GRIN2B: variants seen among roughly 807,000 people sequenced by gnomAD.
The protein encoded by GRIN2B is glutamate ionotropic receptor NMDA type subunit 2B.
In GRIN2B, 5 loss-of-function variants were observed where a neutral mutation model predicts 114.5. The ratio of observed to expected loss-of-function variants is 0.04; its 90% confidence interval spans 0.02 to 0.09. The LOEUF (loss-of-function observed/expected upper bound fraction) is 0.09, where lower values mean the gene tolerates loss of function less well. Ranked by LOEUF, GRIN2B falls within the 10% of genes least tolerant of loss-of-function variation. The probability of loss-of-function intolerance (pLI) is 1.00; values close to 1 mark genes in which losing one functional copy is unlikely to be tolerated. For synonymous variants in GRIN2B, 787 were observed against 745.1 expected (o/e 1.06, Z -0.92); for missense variants, 1,108 against 1,943.5 (o/e 0.57, Z 8.08).
intron 5 of GRIN2B, among the ~76,000 whole-genome samples, chr12:13,658,077 T>C (rs1382857144): frequency 6.6e-6 from 1 of 151,980 alleles, no homozygotes; most frequent in African/African-American, 2.4e-5. Context: ...TGGTGGTACC[T>C]GCCTGTACTC....
chr12:13,646,324 G>A (rs1214145190), intron 5 of GRIN2B, among the ~76,000 whole-genome samples: 1 of 151,946 alleles, frequency 6.6e-6, no homozygotes, highest in African/African-American at 2.4e-5. Flanking sequence ...AAGAATACCT[G>A]CCTTAGTGTG....
At chr12:13,936,265 T>C (rs1054298551) in intron 2 of GRIN2B, among the ~76,000 whole-genome samples, 3 of 152,136 alleles carry the variant, frequency 2.0e-5, no homozygotes, top group African/African-American at 7.2e-5. Flanking sequence ...CTGGAGCTGA[T>C]TGGAGTTCCA....
intron 2 of GRIN2B, among the ~76,000 whole-genome samples, chr12:13,907,668 G>A (rs1591614835): frequency 1.3e-5 from 2 of 152,060 alleles, no homozygotes; most frequent in African/African-American, 4.8e-5. Flanking sequence ...TGATTTGTTG[G>A]AAATGTTTTA....
At chr12:13,938,694 C>G (rs888091853) in intron 2 of GRIN2B, among the ~76,000 whole-genome samples, 1 of 152,128 alleles carries the variant, frequency 6.6e-6, no homozygotes, top group Non-Finnish European at 1.5e-5. Context: ...TGTGGGGATA[C>G]AGATAAGAGT....
intron 5 of GRIN2B, among the ~76,000 whole-genome samples, chr12:13,647,170 C>T (rs922624100): frequency 6.6e-6 from 1 of 152,016 alleles, no homozygotes; most frequent in East Asian, 1.9e-4. Flanking sequence ...AGTCTTGACC[C>T]CCAGAAACTG....
chr12:13,978,498 T>A (rs900855284), intron 2 of GRIN2B, among the ~76,000 whole-genome samples: 1 of 152,222 alleles, frequency 6.6e-6, no homozygotes, highest in Non-Finnish European at 1.5e-5. Context: ...AGAACTATCA[T>A]CTACTGTCAT....
At chr12:13,796,589 T>C (rs1214946787) in intron 3 of GRIN2B, among the ~76,000 whole-genome samples, 1 of 152,168 alleles carries the variant, frequency 6.6e-6, no homozygotes, top group Non-Finnish European at 1.5e-5. Flanking sequence ...AACCATCTTA[T>C]AAAGGAAAAA....
chr12:13,575,670 C>CAATAAT lies in GRIN2B; in HGVS notation c.2011-3707_2011-3706insATTATT, dbSNP rs574433534. On this transcript the variant is annotated intron_variant, in intron 10 of 13. Coordinates refer to ENST00000609686, the MANE Select transcript of GRIN2B (RefSeq NM_000834.5). ...CAAGACCCTGTCTCCAAAATGATAA[C>CAATAAT]AACAATAATAATAATAATAATAATA... 1.3e-3 allele frequency among the ~76,000 whole-genome samples: 164 copies of CAATAAT among 129,854 alleles called. 3 individuals are homozygous for CAATAAT. The highest frequency in any genetic ancestry group is 0.012 in the East Asian group (58 of 4,868). 85.2% of individuals were successfully genotyped at this position (129,854 alleles called of 152,430 possible).
intron 13 of GRIN2B, among the ~76,000 whole-genome samples, 163 bp downstream of exon 13, chr12:13,566,862 T>G (rs555071260): frequency 1.1e-4 from 16 of 152,326 alleles, no homozygotes; most frequent in African/African-American, 3.8e-4. Context: ...TCTGAGCCAC[T>G]TGCAATCATA....
chr12:13,654,439 A>T (rs532349983), intron 5 of GRIN2B, among the ~76,000 whole-genome samples: 1 of 152,138 alleles, frequency 6.6e-6, no homozygotes, highest in Non-Finnish European at 1.5e-5. Flanking sequence ...CCAAAGTGAA[A>T]ATCTTGACAG....
intron 2 of GRIN2B, among the ~76,000 whole-genome samples, chr12:13,893,119 T>C (rs979838287): frequency 6.6e-6 from 1 of 152,194 alleles, no homozygotes; most frequent in Non-Finnish European, 1.5e-5. Flanking sequence ...TGGCCCATTA[T>C]CTAAGTAAAT....
intron 3 of GRIN2B, among the ~76,000 whole-genome samples, chr12:13,782,074 CAG>C (rs1565535118): frequency 6.6e-6 from 1 of 152,130 alleles, no homozygotes; most frequent in African/African-American, 2.4e-5. Flanking sequence ...ATTATGTCAA[CAG>C]AGTTATGGGC....
chr12:13,605,676 G>A (rs190536871), intron 10 of GRIN2B, among the ~76,000 whole-genome samples: 111 of 151,942 alleles, frequency 7.3e-4, no homozygotes, highest in African/African-American at 2.6e-3. Context: ...TATCCTGTCC[G>A]CTTTAAGAAG....
At chr12:13,819,322 C>T (rs1440368946) in intron 3 of GRIN2B, among the ~76,000 whole-genome samples, 1 of 152,144 alleles carries the variant, frequency 6.6e-6, no homozygotes, top group Non-Finnish European at 1.5e-5. Flanking sequence ...TTTGCACCAC[C>T]ACATCTGTGG....
chr12:13,860,514 G>A (rs775089441), intron 3 of GRIN2B, among the ~76,000 whole-genome samples: 12 of 151,960 alleles, frequency 7.9e-5, no homozygotes, highest in African/African-American at 9.7e-5. Flanking sequence ...TAATAGACAC[G>A]GGGTTTCACC....
chr12:13,753,992 G>C lies in GRIN2B; in HGVS notation c.412-77C>G. 1.2e-6 allele frequency: 1 copy of C among 863,560 alleles called. No individual in the cohort carries two copies. Among genetic ancestry groups the C allele is most frequent in the Non-Finnish European group, 2.0e-6 (1 of 511,120 alleles). 53.5% of individuals were successfully genotyped at this position (863,560 alleles called of 1,614,324 possible). A position where few individuals can be genotyped will look rare whatever the true frequency, so the allele number is the denominator to read the frequency against. On this transcript the variant is annotated intron_variant, in intron 3 of 13. Transcript: ENST00000609686. This position sits in a 1 kb window ranked among gnomAD's most constrained non-coding sequence, Gnocchi z 6.2. ...GATGGTAATGGAGATTTTGAACCAA[G>C]TGGGTACAAAGATTTGTGTTCATTA...
At chr12:13,841,500 T>C (rs1363620128) in intron 3 of GRIN2B, among the ~76,000 whole-genome samples, 2 of 152,172 alleles carry the variant, frequency 1.3e-5, no homozygotes, top group East Asian at 3.8e-4. Context: ...TGATATCCCA[T>C]AGGACCTCAG....
intron 2 of GRIN2B, among the ~76,000 whole-genome samples, chr12:13,892,273 GA>G (rs1224221299): frequency 6.6e-6 from 1 of 152,078 alleles, no homozygotes; most frequent in Non-Finnish European, 1.5e-5. Context: ...CAGAAGGGAA[GA>G]AAAAAACCAG....
At chr12:13,968,849 G>A (rs1867832031) in intron 2 of GRIN2B, among the ~76,000 whole-genome samples, 1 of 152,112 alleles carries the variant, frequency 6.6e-6, no homozygotes, top group South Asian at 2.1e-4. Context: ...CCATTCTCTT[G>A]CACTTAACCA....
Sources: gnomAD v4.1 joint callset for allele counts (sites outside exome capture counted in the v4.1 genomes callset) on GRCh38, gnomAD v4.1.1 for gene constraint, Gnocchi (gnomAD v3.1) non-coding constraint, MANE v1.5 for transcripts, NCBI Gene and HGNC (gene_info 2026-07-23, HGNC 2026-07-21) for gene names.